Variants in ZSWIM6 observed in about 807,000 individuals in gnomAD.
ZSWIM6 encodes zinc finger SWIM-type containing 6.
A neutral mutation model predicts 113.2 loss-of-function variants in ZSWIM6; 9 were observed. The observed-to-expected ratio is 0.08, with a 90% confidence interval of 0.05 to 0.14. The LOEUF is 0.14. ZSWIM6 is among the 10% of genes least tolerant of loss of function. The pLI is 1.00. For missense variants in ZSWIM6, 1,162 were observed against 1,552.2 expected, an observed-to-expected ratio of 0.75 and a Z score of 4.22; for synonymous variants, 611 against 606.5, an observed-to-expected ratio of 1.01 and a Z score of -0.11.
chr5:61,378,469 C>T (rs1745414381), intron 1 of ZSWIM6, among the ~76,000 whole-genome samples: 1 of 152,090 alleles, frequency 6.6e-6, no homozygotes, highest in Non-Finnish European at 1.5e-5. Flanking sequence ...ATGCATACAA[C>T]ATTTGTGGAT....
intron 1 of ZSWIM6, among the ~76,000 whole-genome samples, chr5:61,356,731 AATATATATT>A (rs1245563626): frequency 7.6e-6 from 1 of 131,390 alleles, no homozygotes; most frequent in Non-Finnish European, 1.6e-5. Flanking sequence ...CATAATATAT[AATATATATT>A]ATATATATAT....
At chr5:61,402,768 A>T (rs928961744) in intron 1 of ZSWIM6, among the ~76,000 whole-genome samples, 8 of 152,178 alleles carry the variant, frequency 5.3e-5, no homozygotes, top group Admixed American at 5.2e-4. Flanking sequence ...CACAATAATT[A>T]TTACTTTGTC....
chr5:61,487,372 AT>A (rs1748048781), intron 2 of ZSWIM6, among the ~76,000 whole-genome samples: 1 of 151,792 alleles, frequency 6.6e-6, no homozygotes, highest in African/African-American at 2.4e-5. Context: ...TGCTTTGGCT[AT>A]TTGGCCTCTT....
intron 1 of ZSWIM6, among the ~76,000 whole-genome samples, chr5:61,371,052 A>C (rs1745252481): frequency 6.6e-6 from 1 of 152,212 alleles, no homozygotes; most frequent in African/African-American, 2.4e-5. Flanking sequence ...TCAGGTCTGC[A>C]CCTGGGCTCT....
rs187085868 is a variant in ZSWIM6, at chr5:61,369,268, A to G, written c.676+36320A>G. Among the ~76,000 whole-genome samples the G allele has an allele frequency of 2.0e-3, 304 of 152,356 alleles. 2 individuals are homozygous for G. Among genetic ancestry groups the G allele is most frequent in the African/African-American group, 7.2e-3 (298 of 41,586 alleles). ...GTCCCTATTAGAGAATTTATCTTAT[A>G]TAACATTTATTTCAATCAAAATGAT... On this transcript the variant is annotated intron_variant, in intron 1 of 13. Transcript: ENST00000252744.
At chr5:61,469,426 C>T (rs1867729) in intron 1 of ZSWIM6, among the ~76,000 whole-genome samples, 5,411 of 152,194 alleles carry the variant, frequency 0.036, 340 homozygotes, top group African/African-American at 0.12. Context: ...TGCTGTAAGA[C>T]ATGTATATGT....
intron 1 of ZSWIM6, among the ~76,000 whole-genome samples, chr5:61,437,002 A>G (rs1417582727): frequency 6.6e-6 from 1 of 152,124 alleles, no homozygotes; most frequent in African/African-American, 2.4e-5. Context: ...TGCCCTTCCT[A>G]CCTCCTCAAA....
chr5:61,492,910 A>G (rs1218517171), intron 3 of ZSWIM6, among the ~76,000 whole-genome samples: 2 of 151,992 alleles, frequency 1.3e-5, no homozygotes, highest in African/African-American at 4.8e-5. Flanking sequence ...AGAAGGACCA[A>G]CCACCCCACC....
At chr5:61,416,895 G>T (rs964241916) in intron 1 of ZSWIM6, among the ~76,000 whole-genome samples, 2 of 152,250 alleles carry the variant, frequency 1.3e-5, no homozygotes, top group African/African-American at 4.8e-5. Flanking sequence ...AGCACTTCGG[G>T]AGGCCGAGGC....
chr5:61,494,211 T>A, intron 3 of ZSWIM6, 49 bp from the exon 4 acceptor site: 1 of 1,537,568 alleles, frequency 6.5e-7, no homozygotes, highest in South Asian at 1.2e-5. Flanking sequence ...GGGGTTTTGT[T>A]GTGTTTTCGT....
At chr5:61,458,143 GA>G (rs1324136898) in intron 1 of ZSWIM6, among the ~76,000 whole-genome samples, 1 of 152,024 alleles carries the variant, frequency 6.6e-6, no homozygotes, top group African/African-American at 2.4e-5. Flanking sequence ...TAGATGCTTG[GA>G]TAAGTATTCT....
At chr5:61,450,574 G>A (rs974276026) in intron 1 of ZSWIM6, among the ~76,000 whole-genome samples, 1 of 152,218 alleles carries the variant, frequency 6.6e-6, no homozygotes, top group African/African-American at 2.4e-5. Flanking sequence ...TTCTGATAGG[G>A]TAGCCACTGG....
At chr5:61,470,146 A>T (rs1156498532) in intron 1 of ZSWIM6, among the ~76,000 whole-genome samples, 1 of 152,162 alleles carries the variant, frequency 6.6e-6, no homozygotes, top group Non-Finnish European at 1.5e-5. Context: ...AGGTGTGGGG[A>T]TGGGGAAAAA....
intron 1 of ZSWIM6, among the ~76,000 whole-genome samples, chr5:61,403,071 G>A (rs975867719): frequency 6.6e-6 from 1 of 152,204 alleles, no homozygotes; most frequent in African/African-American, 2.4e-5. Context: ...CAGGAATAAT[G>A]TGCTGTTTAC....
At chr5:61,351,656 A>C (rs1164311624) in intron 1 of ZSWIM6, among the ~76,000 whole-genome samples, 2 of 152,058 alleles carry the variant, frequency 1.3e-5, no homozygotes, top group Non-Finnish European at 1.5e-5. Context: ...CTTGCCTTGG[A>C]AAGTTGTGGT....
At chr5:61,379,852 A>G (rs1745441905) in intron 1 of ZSWIM6, among the ~76,000 whole-genome samples, 1 of 152,164 alleles carries the variant, frequency 6.6e-6, no homozygotes, top group African/African-American at 2.4e-5. Context: ...GTCCTAGGGT[A>G]GGTAGGAGAT....
chr5:61,521,368 G>T lies in ZSWIM6; in HGVS notation c.1439G>T (p.Trp480Leu). 1 of 1,530,978 alleles carries T rather than the reference G, an allele frequency of 6.5e-7. No homozygotes were observed. Among genetic ancestry groups the T allele is most frequent in the Non-Finnish European group, 8.8e-7 (1 of 1,137,564 alleles). 94.8% of individuals were successfully genotyped at this position (1,530,978 alleles called of 1,614,324 possible). ...TGGAATAGTGTTGATGTCTGTCCAT[G>T]GGAAGATGGAAATCATGGCAGTGAA... is the stretch of plus-strand genomic sequence containing the variant. ...KKWNSVDVCP[W>L]EDGNHGSELP... The change falls in exon 5 of 14, where the codon TGG becomes TTG. Residue 480 changes from tryptophan (W) to leucine (L), a missense_variant. Physicochemically the swap from Trp to Leu is moderately conservative, Grantham distance 61 (BLOSUM62 -2). Transcript: ENST00000252744.
intron 1 of ZSWIM6, among the ~76,000 whole-genome samples, chr5:61,404,210 A>T (rs1490061302): frequency 6.6e-6 from 1 of 152,090 alleles, no homozygotes; most frequent in Admixed American, 6.6e-5. Flanking sequence ...GTTTCACCGT[A>T]TTAGCCAGGA....
chr5:61,539,448 A>C (rs944178354), intron 11 of ZSWIM6, 148 bp from the exon 12 acceptor site: 15 of 920,124 alleles, frequency 1.6e-5, no homozygotes, highest in Non-Finnish European at 2.4e-5. Context: ...ATCTGTGAAC[A>C]TGTTAGGTAA....
Sources: gnomAD v4.1 joint callset for allele counts (sites outside exome capture counted in the v4.1 genomes callset) on GRCh38, gnomAD v4.1.1 for gene constraint, MANE v1.5 for transcripts, NCBI Gene and HGNC (gene_info 2026-07-23, HGNC 2026-07-21) for gene names.